The following LIPI variants were observed in gnomAD, a reference collection of about 807,000 sequenced individuals.
LIPI encodes the protein lipase member I.
A neutral mutation model predicts 50.6 loss-of-function variants in LIPI; 59 were observed. The observed-to-expected ratio is 1.16, with a 90% CI of 0.94 to 1.45. The LOEUF (loss-of-function observed/expected upper bound fraction) is 1.45, where lower values mean the gene tolerates loss of function less well. LIPI is among the 40% of genes most tolerant of loss of function. The pLI, the probability that LIPI is intolerant of heterozygous loss-of-function variation, is 0.00. For synonymous variants in LIPI, 203 were observed against 178.2 expected (o/e 1.14, Z -1.11); for missense variants, 586 against 536.3 (o/e 1.09, Z -0.92).
chr21:14,169,125 C>T (rs1330522174), intron 4 of LIPI, among the ~76,000 whole-genome samples: 5 of 152,156 alleles, frequency 3.3e-5, no homozygotes, highest in Admixed American at 6.5e-5. Flanking sequence ...AAGGCCATTA[C>T]ATAATGGTAA....
At chr21:14,157,246 T>A (rs1301238829) in intron 7 of LIPI, among the ~76,000 whole-genome samples, 2 of 151,886 alleles carry the variant, frequency 1.3e-5, no homozygotes, top group African/African-American at 4.8e-5. Flanking sequence ...AAGATACCCA[T>A]GTTAAGAAAT....
At chr21:14,205,578 A>C (rs1369691865) in intron 1 of LIPI, among the ~76,000 whole-genome samples, 1 of 151,716 alleles carries the variant, frequency 6.6e-6, no homozygotes, top group African/African-American at 2.4e-5. Flanking sequence ...TTATTGGGTA[A>C]GATATTAACC....
intron 4 of LIPI, among the ~76,000 whole-genome samples, chr21:14,178,710 T>C (rs1189384283): frequency 1.3e-5 from 2 of 152,204 alleles, no homozygotes; most frequent in Non-Finnish European, 2.9e-5. Context: ...TCTGGAGGCC[T>C]ATGGGTGTTG....
intron 7 of LIPI, among the ~76,000 whole-genome samples, chr21:14,156,826 G>A (rs1210065108): frequency 1.3e-5 from 2 of 151,806 alleles, no homozygotes; most frequent in Non-Finnish European, 2.9e-5. Flanking sequence ...GGACACAGGA[G>A]GAAATAAGGA....
Position 14,188,888 on chromosome 21 carries a change from A to G in LIPI, c.432+146T>C, listed in dbSNP as rs550508568. 45 of 693,878 alleles carry G rather than the reference A, an allele frequency of 6.5e-5. No individual in the cohort carries two copies. The African/African-American group carries it at 7.6e-4, about 12-fold the overall frequency. The allele number at this position is 693,878 out of a possible 1,614,324, so 43.0% of individuals were successfully genotyped here. A position where few individuals can be genotyped will look rare whatever the true frequency, so the allele number is the denominator to read the frequency against. On this transcript the variant is annotated intron_variant, in intron 2 of 9. Coordinates refer to ENST00000681601, the MANE Select transcript of LIPI (RefSeq NM_001302998.2). ...AGAAAAGATGGCTGCATACATTGGTATATCAAACCAGTAATTGTTAATGCT... is the reference window on the plus strand; with the variant it reads ...AGAAAAGATGGCTGCATACATTGGTGTATCAAACCAGTAATTGTTAATGCT...
chr21:14,134,814 A>G (rs1414922252), intron 9 of LIPI, among the ~76,000 whole-genome samples: 2 of 152,102 alleles, frequency 1.3e-5, no homozygotes, highest in Non-Finnish European at 2.9e-5. Context: ...ACACATAAAC[A>G]TAAGACCAGA....
At chr21:14,140,061 G>A (rs937712240) in intron 9 of LIPI, among the ~76,000 whole-genome samples, 6 of 152,104 alleles carry the variant, frequency 3.9e-5, no homozygotes, top group African/African-American at 1.2e-4. Flanking sequence ...TTGAGCAGAG[G>A]TGTGACATAA....
intron 8 of LIPI, among the ~76,000 whole-genome samples, chr21:14,151,206 C>G (rs904313573): frequency 3.3e-5 from 5 of 152,072 alleles, no homozygotes; most frequent in African/African-American, 4.8e-5. Flanking sequence ...GCTATGGCTA[C>G]TTTTTATATT....
At chr21:14,116,441 G>A (rs2016642546) in intron 9 of LIPI, among the ~76,000 whole-genome samples, 1 of 152,164 alleles carries the variant, frequency 6.6e-6, no homozygotes, top group African/African-American at 2.4e-5. Flanking sequence ...GAGAGTGAAA[G>A]TGAGAGTGAA....
intron 1 of LIPI, among the ~76,000 whole-genome samples, chr21:14,190,524 C>A (rs1029484140): frequency 2.0e-5 from 3 of 151,932 alleles, no homozygotes; most frequent in Non-Finnish European, 4.4e-5. Context: ...CAAGAGGTAA[C>A]GTATTATTTT....
chr21:14,173,609 A>C (rs1229313566), intron 4 of LIPI, among the ~76,000 whole-genome samples: 1 of 152,246 alleles, frequency 6.6e-6, no homozygotes, highest in Admixed American at 6.5e-5. Flanking sequence ...CAGTGAACTC[A>C]TGAAAGACAT....
At chr21:14,201,718 C>T (rs532992625) in intron 1 of LIPI, among the ~76,000 whole-genome samples, 17 of 152,262 alleles carry the variant, frequency 1.1e-4, no homozygotes, top group Admixed American at 6.5e-4. Flanking sequence ...GACAAGCCCA[C>T]AGCCAATATC....
intron 4 of LIPI, among the ~76,000 whole-genome samples, chr21:14,172,950 A>G (rs2018971822): frequency 6.6e-6 from 1 of 152,244 alleles, no homozygotes; most frequent in South Asian, 2.1e-4. Context: ...GGAAACCATA[A>G]TAAACAAGTA....
intron 8 of LIPI, among the ~76,000 whole-genome samples, chr21:14,152,237 A>T (rs1483806663): frequency 6.6e-6 from 1 of 151,980 alleles, no homozygotes; most frequent in Non-Finnish European, 1.5e-5. Flanking sequence ...AGTAGCTGGG[A>T]CTACAGGCAC....
chr21:14,153,322 G>T (rs1031916978), intron 7 of LIPI, among the ~76,000 whole-genome samples: 1 of 152,054 alleles, frequency 6.6e-6, no homozygotes, highest in African/African-American at 2.4e-5. Context: ...AGAACAGAAC[G>T]GATTTATAAT....
intron 7 of LIPI, among the ~76,000 whole-genome samples, chr21:14,161,638 A>ATATATACATTATTATATATTAATATATAC (rs2018478908): frequency 9.0e-6 from 1 of 110,858 alleles, no homozygotes; most frequent in Non-Finnish European, 1.7e-5. Flanking sequence ...TTAATATATA[A>ATATATACATTATTATATATTAATATATAC]TATATACATT....
At chr21:14,128,659 G>C (rs1375897312) in intron 9 of LIPI, among the ~76,000 whole-genome samples, 1 of 148,666 alleles carries the variant, frequency 6.7e-6, no homozygotes, top group Admixed American at 6.6e-5. Flanking sequence ...ATCAATCTTA[G>C]GTACACGATA....
At chr21:14,185,831 C>T (rs1257252564) in intron 3 of LIPI, 130 bp downstream of exon 3, 6 of 603,172 alleles carry the variant, frequency 9.9e-6, no homozygotes, top group South Asian at 1.9e-5. Context: ...TGCAGTGAGC[C>T]GAGATCGCAC....
At chr21:14,157,074 A>G (rs1249391246) in intron 7 of LIPI, among the ~76,000 whole-genome samples, 1 of 151,944 alleles carries the variant, frequency 6.6e-6, no homozygotes, top group South Asian at 2.1e-4. Flanking sequence ...TTGGAAATTT[A>G]ACCAAGGGGA....
Sources: gnomAD v4.1 joint callset for allele counts (sites outside exome capture counted in the v4.1 genomes callset) on GRCh38, gnomAD v4.1.1 for gene constraint, MANE v1.5 for transcripts, NCBI Gene and HGNC (gene_info 2026-07-23, HGNC 2026-07-21) for gene names.